SLC22A23: variants seen among roughly 807,000 people sequenced by gnomAD.
SLC22A23 encodes ion transporter protein.
Under a neutral mutation model 61.0 loss-of-function variants are expected in SLC22A23, and 26 were observed. The observed-to-expected ratio is 0.43, with a 90% CI of 0.31 to 0.59. The LOEUF (loss-of-function observed/expected upper bound fraction) is 0.59, where lower values mean the gene tolerates loss of function less well. SLC22A23 is among the 20% of genes least tolerant of loss of function. SLC22A23 has a pLI of 0.11. For synonymous variants in SLC22A23, 430 were observed against 413.9 expected, an observed-to-expected ratio of 1.04 and a Z score of -0.47; for missense variants, 796 against 934.7, an observed-to-expected ratio of 0.85 and a Z score of 1.94.
At chr6:3,296,237 G>C (rs1165325503) in intron 5 of SLC22A23, among the ~76,000 whole-genome samples, 1 of 152,194 alleles carries the variant, frequency 6.6e-6, no homozygotes, top group Admixed American at 6.5e-5. Context: ...GGAGAAACCT[G>C]GATTGAGTAC....
chr6:3,433,465 T>C (rs1411516584), intron 1 of SLC22A23, among the ~76,000 whole-genome samples: 1 of 137,916 alleles, frequency 7.3e-6, no homozygotes, highest in African/African-American at 2.5e-5. Flanking sequence ...CCCCAAAAAT[T>C]TTGAAAAGAA....
chr6:3,383,359 G>A (rs1767073792), intron 3 of SLC22A23, among the ~76,000 whole-genome samples: 1 of 152,236 alleles, frequency 6.6e-6, no homozygotes, highest in Non-Finnish European at 1.5e-5. Flanking sequence ...GGGTGGGGCT[G>A]GGGAGGGACA....
chr6:3,456,496 C>G lies in SLC22A23; in HGVS notation c.64G>C (p.Glu22Gln), dbSNP rs1303446672. The part of the protein sequence containing the change: ...GGPGRQPAPA[E>Q]ENGSLPPGDA... ...CCGGGCGGCAGGGAGCCGTTCTCCT[C>G]GGCCGGGGCCGGCTGCCGCCCAGGC... Residue 22 changes from glutamate to glutamine, a missense_variant, in exon 1 of 10, where the codon GAG becomes CAG. Physicochemically the swap from Glu to Gln is conservative, Grantham distance 29. Transcript: ENST00000406686. This position sits in a 1 kb window ranked among gnomAD's most constrained non-coding sequence, Gnocchi z 7.1. 2.8e-6 allele frequency: 3 copies of G among 1,074,838 alleles called. No homozygotes were observed. The allele number at this position is 1,074,838 out of a possible 1,614,324, so 66.6% of individuals were successfully genotyped here.
intron 1 of SLC22A23, among the ~76,000 whole-genome samples, chr6:3,416,846 G>A (rs1448095306): frequency 2.0e-5 from 3 of 152,200 alleles, no homozygotes; most frequent in African/African-American, 2.4e-5. Flanking sequence ...AGAAATTCAC[G>A]CCAATGCATT....
intron 4 of SLC22A23, among the ~76,000 whole-genome samples, chr6:3,314,483 G>A (rs1321110342): frequency 1.3e-5 from 2 of 152,174 alleles, no homozygotes; most frequent in Non-Finnish European, 2.9e-5. Context: ...AGGCCGTCCC[G>A]GTATCTACCT....
chr6:3,401,421 G>GT (rs1170902402), intron 3 of SLC22A23, among the ~76,000 whole-genome samples: 4 of 146,452 alleles, frequency 2.7e-5, no homozygotes, highest in Admixed American at 2.6e-4. Flanking sequence ...TTTTGCCACA[G>GT]TAAAAAAAAA....
intron 3 of SLC22A23, among the ~76,000 whole-genome samples, 194 bp downstream of exon 3, chr6:3,409,994 A>G (rs1769105729): frequency 6.6e-6 from 1 of 152,174 alleles, no homozygotes. Flanking sequence ...CGAGCTGGAG[A>G]TCAGGATTGA....
At chr6:3,442,994 T>C (rs542047366) in intron 1 of SLC22A23, among the ~76,000 whole-genome samples, 281 of 152,308 alleles carry the variant, frequency 1.8e-3, no homozygotes, top group Middle Eastern at 0.014. Flanking sequence ...CTTCATGCCA[T>C]TGCACACCTT....
intron 1 of SLC22A23, chr6:3,444,915 C>A: frequency 1.0e-6 from 1 of 985,564 alleles, no homozygotes; most frequent in Non-Finnish European, 1.2e-6. Context: ...TTCAGCTCCT[C>A]CCCCCTCAAA....
At chr6:3,281,054 C>G (rs1759434140) in intron 9 of SLC22A23, among the ~76,000 whole-genome samples, 1 of 152,146 alleles carries the variant, frequency 6.6e-6, no homozygotes, top group Non-Finnish European at 1.5e-5. Flanking sequence ...TCACCTGGAC[C>G]CCTCCGTGAG....
At chr6:3,403,484 G>T (rs1349325846) in intron 3 of SLC22A23, among the ~76,000 whole-genome samples, 1 of 152,148 alleles carries the variant, frequency 6.6e-6, no homozygotes, top group Non-Finnish European at 1.5e-5. Context: ...ATGAGGGCAG[G>T]GTCTGGAACC....
At chr6:3,364,549 G>C (rs1410571909) in intron 3 of SLC22A23, among the ~76,000 whole-genome samples, 1 of 152,206 alleles carries the variant, frequency 6.6e-6, no homozygotes, top group Non-Finnish European at 1.5e-5. Flanking sequence ...CATGTGATGA[G>C]GTCACACAGG....
chr6:3,293,837 C>T (rs2127345532), intron 5 of SLC22A23, among the ~76,000 whole-genome samples: 1 of 152,310 alleles, frequency 6.6e-6, no homozygotes, highest in African/African-American at 2.4e-5. Context: ...CAGGACAAAA[C>T]CCAAGCTCTG....
Position 3,410,436 on chromosome 6 carries a change from T to C in SLC22A23, c.759-94A>G. The C allele has an allele frequency of 7.5e-7, 1 of 1,334,726 alleles. No homozygotes were observed. Among genetic ancestry groups the C allele is most frequent in the Non-Finnish European group, 1.0e-6 (1 of 984,846 alleles). 82.7% of individuals were successfully genotyped at this position (1,334,726 alleles called of 1,614,324 possible). A position where few individuals can be genotyped will look rare whatever the true frequency, so the allele number is the denominator to read the frequency against. On this transcript the variant is annotated intron_variant, in intron 2 of 9. Transcript: ENST00000406686. This position sits in a 1 kb window ranked among gnomAD's most constrained non-coding sequence, Gnocchi z 5.0. ...CGGTGTCCAGCAGGCACTCAATATA[T>C]GTTGAATGAGTACTGGGTAAAAAGT...
At chr6:3,278,234 C>T (rs764192253) in intron 9 of SLC22A23, among the ~76,000 whole-genome samples, 10 of 152,226 alleles carry the variant, frequency 6.6e-5, no homozygotes, top group Admixed American at 5.2e-4. Context: ...GCCTTAGCCA[C>T]GGAGGGAGAC....
At chr6:3,337,446 CTT>C (rs112272605) in intron 3 of SLC22A23, among the ~76,000 whole-genome samples, 1,693 of 143,400 alleles carry the variant, frequency 0.012, 31 homozygotes, top group African/African-American at 0.039. Flanking sequence ...TTACAATTCC[CTT>C]TTTTTTTTTT....
intron 1 of SLC22A23, among the ~76,000 whole-genome samples, chr6:3,447,717 T>C (rs946592284): frequency 4.0e-5 from 6 of 150,178 alleles, no homozygotes; most frequent in African/African-American, 1.5e-4. Flanking sequence ...GCCTCCCAAG[T>C]AGCTGGGACT....
At chr6:3,311,723 G>T (rs891754001) in intron 4 of SLC22A23, 16 of 152,204 alleles carry the variant, frequency 1.1e-4, no homozygotes, top group African/African-American at 3.6e-4. Context: ...TAATTTAAAT[G>T]ACTATGCTGC....
chr6:3,351,771 C>T (rs1414732270), intron 3 of SLC22A23, among the ~76,000 whole-genome samples: 8 of 152,334 alleles, frequency 5.3e-5, no homozygotes, highest in East Asian at 1.9e-4. Context: ...AAACTGTCCC[C>T]GAGGAGACTT....
Sources: gnomAD v4.1 joint callset for allele counts (sites outside exome capture counted in the v4.1 genomes callset) on GRCh38, gnomAD v4.1.1 for gene constraint, Gnocchi (gnomAD v3.1) non-coding constraint, MANE v1.5 for transcripts, NCBI Gene and HGNC (gene_info 2026-07-23, HGNC 2026-07-21) for gene names.